The following CACNA1G variants were observed in gnomAD, a reference collection of about 807,000 sequenced individuals.
The protein encoded by CACNA1G is calcium voltage-gated channel subunit alpha1 G.
Under a neutral mutation model 219.4 loss-of-function variants are expected in CACNA1G, and 67 were observed. That is an observed-to-expected ratio of 0.31 (90% CI 0.25 to 0.37). The LOEUF is 0.37. Ranked by LOEUF, CACNA1G falls within the 10% of genes least tolerant of loss-of-function variation. The pLI is 1.00. For synonymous variants in CACNA1G, 1,296 were observed against 1,345.3 expected, an observed-to-expected ratio of 0.96 and a Z score of 0.80; for missense variants, 2,380 against 3,231.4, an observed-to-expected ratio of 0.74 and a Z score of 6.39.
intron 34 of CACNA1G, among the ~76,000 whole-genome samples, chr17:50,620,477 C>A (rs1483705300): frequency 1.3e-5 from 2 of 152,226 alleles, no homozygotes; most frequent in African/African-American, 4.8e-5. Flanking sequence ...CCCTCTCCCC[C>A]AGTCCCATTT....
At chr17:50,576,423 C>A in intron 8 of CACNA1G, 97 bp downstream of exon 8, 1 of 1,193,046 alleles carries the variant, frequency 8.4e-7, no homozygotes, top group Non-Finnish European at 1.2e-6. Context: ...GGGACCAGGG[C>A]TTATATTCTC....
chr17:50,620,786 T>C (rs1480733031), intron 34 of CACNA1G, among the ~76,000 whole-genome samples: 3 of 152,248 alleles, frequency 2.0e-5, no homozygotes, highest in African/African-American at 7.2e-5. Context: ...CAGTCTCAGA[T>C]CTGGCAATGA....
intron 11 of CACNA1G, 38 bp downstream of exon 11, chr17:50,591,658 G>A (rs1245345510): frequency 1.2e-6 from 2 of 1,610,414 alleles, no homozygotes; most frequent in South Asian, 1.1e-5. Context: ...TGAGAGACCG[G>A]CCAGGCTGGG....
At chr17:50,619,940 G>C in intron 34 of CACNA1G, 114 bp downstream of exon 34, 1 of 1,114,694 alleles carries the variant, frequency 9.0e-7, no homozygotes. Context: ...TCTGTAGAAA[G>C]TGCAGCCTTG....
chr17:50,618,915 G>A lies in CACNA1G; in HGVS notation c.5688G>A (p.Glu1896=), dbSNP rs922279494. 6.2e-7 allele frequency: 1 copy of A among 1,606,842 alleles called. No individual in the cohort carries two copies. Among genetic ancestry groups the A allele is most frequent in the South Asian group, 1.1e-5 (1 of 90,790 alleles). Residue 1896 remains glutamate, a synonymous_variant, in exon 33 of 38, where the codon GAG becomes GAA. Transcript: ENST00000359106. The surrounding 1 kb of genome is among the most constrained non-coding windows in gnomAD (Gnocchi z 5.3). ...GCCCCTTCCTCTGGCCTGGGGTCGA[G>A]GGCCCCGACAGCCCCGACAGCCCCA... ...LGSPFLWPGV[E]GPDSPDSPKP... is the part of the protein sequence containing the mutation.
intron 7 of CACNA1G, among the ~76,000 whole-genome samples, chr17:50,574,236 T>C (rs1002024485): frequency 6.6e-6 from 1 of 152,140 alleles, no homozygotes; most frequent in Non-Finnish European, 1.5e-5. Context: ...CTTTCTTCCA[T>C]GTCACCAAGA....
intron 26 of CACNA1G, among the ~76,000 whole-genome samples, chr17:50,611,771 T>C (rs1197556745): frequency 6.6e-6 from 1 of 152,180 alleles, no homozygotes; most frequent in Admixed American, 6.5e-5. Context: ...CCACAGAGAC[T>C]TTTCCACCTT....
At chr17:50,570,712 A>G (rs1323236100) in intron 4 of CACNA1G, among the ~76,000 whole-genome samples, 7 of 152,082 alleles carry the variant, frequency 4.6e-5, no homozygotes, top group African/African-American at 1.7e-4. Flanking sequence ...GCCCCAGGTG[A>G]TGGCTGGCAG....
rs192665903 is a variant in CACNA1G, at chr17:50,607,665, C to T, written c.4513-162C>T. On this transcript the variant is annotated intron_variant, in intron 24 of 37. Coordinates refer to ENST00000359106, the MANE Select transcript of CACNA1G (RefSeq NM_018896.5). ...CTACTCTCCCCTTTACCACAGTCCC[C>T]GCCCCTCCCTACTGCTTCACATCAA... is the stretch of plus-strand genomic sequence containing the variant. Among the ~76,000 whole-genome samples the T allele has an allele frequency of 8.5e-5, 13 of 152,358 alleles. No individual in the cohort carries two copies. The East Asian group carries it at 1.2e-3, about 14-fold the overall frequency.
chr17:50,617,419 T>G lies in CACNA1G; in HGVS notation c.5022-19T>G, dbSNP rs1056814137. On this transcript the variant is annotated intron_variant, in intron 28 of 37. Coordinates refer to ENST00000359106, the MANE Select transcript of CACNA1G (RefSeq NM_018896.5). This position sits in a 1 kb window ranked among gnomAD's most constrained non-coding sequence, Gnocchi z 5.8. Reference sequence around the variant, plus strand: ...AACCCCCTCCCCCAACTCAGGGAGCTGTATTCTGGGCTTTCCAGGTGGAAC... The same window carrying G: ...AACCCCCTCCCCCAACTCAGGGAGCGGTATTCTGGGCTTTCCAGGTGGAAC... The G allele has an allele frequency of 2.2e-5, 36 of 1,604,592 alleles. No individual in the cohort carries two copies. Among genetic ancestry groups the G allele is most frequent in the Non-Finnish European group, 3.0e-5 (35 of 1,173,288 alleles).
chr17:50,613,476 A>C (rs765187101), intron 26 of CACNA1G, among the ~76,000 whole-genome samples: 17 of 151,750 alleles, frequency 1.1e-4, no homozygotes, highest in Non-Finnish European at 2.1e-4. Context: ...CACCCACCCC[A>C]CAGACTCCTA....
chr17:50,618,351 C>G lies in CACNA1G; in HGVS notation c.5427+8C>G, dbSNP rs776685511. 3.7e-6 allele frequency: 6 copies of G among 1,612,418 alleles called. No individual in the cohort carries two copies. Among genetic ancestry groups the G allele is most frequent in the Non-Finnish European group, 5.1e-6 (6 of 1,178,742 alleles). Reference sequence around the variant, plus strand: ...TGGAATGGCATTATGAAGGTAAGGGCCCAGGGTTGGCCTAGGCTCCAGGGA... The same window carrying G: ...TGGAATGGCATTATGAAGGTAAGGGGCCAGGGTTGGCCTAGGCTCCAGGGA... On this transcript the variant is annotated splice_region_variant and intron_variant, in intron 32 of 37. Coordinates refer to ENST00000359106, the MANE Select transcript of CACNA1G (RefSeq NM_018896.5). This position sits in a 1 kb window ranked among gnomAD's most constrained non-coding sequence, Gnocchi z 5.3.
intron 33 of CACNA1G, among the ~76,000 whole-genome samples, chr17:50,619,364 G>A (rs1226200953): frequency 6.6e-6 from 1 of 151,916 alleles, no homozygotes; most frequent in Non-Finnish European, 1.5e-5. Flanking sequence ...CCTTTAACCT[G>A]CCTGATTCTC....
intron 36 of CACNA1G, 129 bp downstream of exon 36, chr17:50,624,204 C>T: frequency 7.7e-7 from 1 of 1,302,384 alleles, no homozygotes; most frequent in East Asian, 2.5e-5. Flanking sequence ...GGGGAGCCTC[C>T]AGCCTGGGGG....
At chr17:50,623,549 C>T in intron 35 of CACNA1G, among the ~76,000 whole-genome samples, 1 of 152,202 alleles carries the variant, frequency 6.6e-6, no homozygotes, top group East Asian at 1.9e-4. Context: ...ACCTGCAGGG[C>T]TGGGGGCTGG....
Position 50,626,518 on chromosome 17 carries a change from C to T in CACNA1G, c.6901C>T (p.Arg2301Trp), listed in dbSNP as rs374573766. The change falls in exon 38 of 38, where the codon CGG becomes TGG. Residue 2301 changes from arginine (R) to tryptophan (W), a missense_variant. Coordinates refer to ENST00000359106, the MANE Select transcript of CACNA1G (RefSeq NM_018896.5). The surrounding 1 kb of genome is among the most constrained non-coding windows in gnomAD (Gnocchi z 4.3). The stretch of plus-strand genomic sequence containing the variant: ...CCAGCCTCTTGGGGGGCCTGGGAGC[C>T]GGCCCAAGAAAAAACTCAGCCCGCC... The part of the protein sequence containing the change: ...GGQPLGGPGS[R>W]PKKKLSPPSI... 2.2e-5 allele frequency: 34 copies of T among 1,572,306 alleles called. No individual in the cohort carries two copies. The highest frequency in any genetic ancestry group is 6.9e-5 in the East Asian group (3 of 43,624).
rs914025461 is a variant in CACNA1G, at chr17:50,606,993, G to A, written c.4512+4G>A. The A allele has an allele frequency of 3.1e-6, 5 of 1,607,708 alleles. No individual in the cohort carries two copies. In the South Asian group the frequency reaches 5.5e-5, roughly 18 times the overall value. On this transcript the variant is annotated splice_donor_region_variant and intron_variant, in intron 24 of 37. Transcript: ENST00000359106. The stretch of plus-strand genomic sequence containing the variant: ...TGCTGTGGGCGTGGACCAGCAGGTA[G>A]GGCTGAGGTGGGCAGGATCCATCTG...
chr17:50,578,281 C>A lies in CACNA1G; in HGVS notation c.2018C>A (p.Ala673Asp), dbSNP rs746313538. 2.5e-6 allele frequency: 4 copies of A among 1,612,902 alleles called. No homozygotes were observed. The African/African-American group carries it at 4.0e-5, about 16-fold the overall frequency. ...GPDSCPYCARAGAGEVELADR... is the reference protein window; with the variant it reads ...GPDSCPYCARDGAGEVELADR... ...GACAGCTGCCCCTACTGTGCCCGGG[C>A]CGGGGCAGGGGAGGTGGAGCTCGCC... The change falls in exon 9 of 38, where the codon GCC becomes GAC. Residue 673 changes from alanine to aspartate, a missense_variant. Ala to Asp is a moderately radical substitution (Grantham distance 126). Transcript: ENST00000359106. The surrounding 1 kb of genome is among the most constrained non-coding windows in gnomAD (Gnocchi z 4.5).
chr17:50,601,194 C>T lies in CACNA1G; in HGVS notation c.3915+20C>T, dbSNP rs2046555108. On this transcript the variant is annotated intron_variant, in intron 19 of 37. Coordinates refer to ENST00000359106, the MANE Select transcript of CACNA1G (RefSeq NM_018896.5). Reference sequence around the variant, plus strand: ...AGCGCTGTGAGTCACCAGCCCCGCTCAGGGCAAGGCCTCTCCTGGGGTTTG... The same window carrying T: ...AGCGCTGTGAGTCACCAGCCCCGCTTAGGGCAAGGCCTCTCCTGGGGTTTG... The T allele has an allele frequency of 1.2e-6, 2 of 1,612,914 alleles. No homozygotes were observed. The highest frequency in any genetic ancestry group is 1.7e-6 in the Non-Finnish European group (2 of 1,179,666).
Sources: gnomAD v4.1 joint callset for allele counts (sites outside exome capture counted in the v4.1 genomes callset) on GRCh38, gnomAD v4.1.1 for gene constraint, Gnocchi (gnomAD v3.1) non-coding constraint, MANE v1.5 for transcripts, NCBI Gene and HGNC (gene_info 2026-07-23, HGNC 2026-07-21) for gene names.